The following SOS2 variants were observed in gnomAD, a reference collection of about 807,000 sequenced individuals.
SOS2 encodes son of sevenless homolog 2.
SOS2 carries 65 observed loss-of-function variants against 148.2 expected under a neutral mutation model. The ratio of observed to expected loss-of-function variants is 0.44; its 90% CI spans 0.36 to 0.54. The LOEUF (loss-of-function observed/expected upper bound fraction) is 0.54, where lower values mean the gene tolerates loss of function less well. Among genes scored for constraint, SOS2 ranks in the 20% least tolerant of loss-of-function variants. SOS2 has a pLI of 0.00. For missense variants in SOS2, 1,341 were observed against 1,590.2 expected (o/e 0.84, Z 2.67); for synonymous variants, 539 against 537.1 (o/e 1.00, Z -0.05).
chr14:50,198,863 C>A (rs1275874879), intron 4 of SOS2, among the ~76,000 whole-genome samples: 1 of 152,190 alleles, frequency 6.6e-6, no homozygotes, highest in East Asian at 1.9e-4. Flanking sequence ...CTATGTTATT[C>A]AGCGTTATAG....
intron 1 of SOS2, among the ~76,000 whole-genome samples, chr14:50,221,162 CTCACTAGCAA>C (rs1470748311): frequency 6.6e-6 from 1 of 152,222 alleles, no homozygotes; most frequent in Non-Finnish European, 1.5e-5. Flanking sequence ...TCTTTCACTA[CTCACTAGCAA>C]GTAAATTGCA....
At position 50,180,712 on chromosome 14, in the gene SOS2, G is replaced by A. The variant is rs1262785620; in HGVS notation, c.859-30C>T. ...TTTTTTAAAAAGAGAAAAAGCATTA[G>A]GTTTAAAAGAATATATTTTCTACCA... On this transcript the variant is annotated intron_variant, in intron 6 of 22. Transcript: ENST00000216373. 4 of 1,236,546 alleles carry A rather than the reference G, an allele frequency of 3.2e-6. No homozygotes were observed. The African/African-American group carries it at 6.1e-5, about 19-fold the overall frequency. The allele number at this position is 1,236,546 out of a possible 1,614,324, so 76.6% of individuals were successfully genotyped here.
At chr14:50,229,186 A>T (rs554712409) in intron 1 of SOS2, among the ~76,000 whole-genome samples, 7 of 152,316 alleles carry the variant, frequency 4.6e-5, no homozygotes, top group African/African-American at 1.7e-4. Context: ...AATGTCCTAA[A>T]TACCATAAAA....
intron 1 of SOS2, among the ~76,000 whole-genome samples, chr14:50,226,377 A>G (rs1887376854): frequency 6.6e-6 from 1 of 152,202 alleles, no homozygotes; most frequent in Admixed American, 6.5e-5. Flanking sequence ...ATCACCCTGT[A>G]CTTTTCTTGT....
chr14:50,220,900 T>C (rs574619972), intron 1 of SOS2, among the ~76,000 whole-genome samples: 1 of 152,332 alleles, frequency 6.6e-6, no homozygotes, highest in African/African-American at 2.4e-5. Context: ...CATTTGCTTG[T>C]AAACCCAAGA....
At chr14:50,126,243 A>G (rs1883676237) in intron 21 of SOS2, among the ~76,000 whole-genome samples, 1 of 152,218 alleles carries the variant, frequency 6.6e-6, no homozygotes, top group South Asian at 2.1e-4. Context: ...AAATACTGTA[A>G]TTATTCATCA....
chr14:50,144,202 A>G (rs1299956644), intron 16 of SOS2, among the ~76,000 whole-genome samples: 1 of 152,090 alleles, frequency 6.6e-6, no homozygotes, highest in Non-Finnish European at 1.5e-5. Context: ...TACTGTTGGA[A>G]TAAATTATGA....
intron 18 of SOS2, among the ~76,000 whole-genome samples, chr14:50,136,308 A>G (rs1884079087): frequency 6.6e-6 from 1 of 152,126 alleles, no homozygotes; most frequent in Non-Finnish European, 1.5e-5. Context: ...ATTTTGTTTG[A>G]CTCAATCATA....
chr14:50,183,285 C>T (rs1439816769), intron 5 of SOS2, among the ~76,000 whole-genome samples: 1 of 151,702 alleles, frequency 6.6e-6, no homozygotes, highest in African/African-American at 2.4e-5. Flanking sequence ...CAAACATGTA[C>T]ATCTTGATGT....
intron 16 of SOS2, among the ~76,000 whole-genome samples, chr14:50,142,273 G>C (rs368490083): frequency 6.6e-6 from 1 of 152,052 alleles, no homozygotes; most frequent in East Asian, 1.9e-4. Flanking sequence ...CTCCCAAAGT[G>C]TTGGGATTAC....
chr14:50,192,845 G>A (rs996614833), intron 4 of SOS2, among the ~76,000 whole-genome samples: 75 of 151,954 alleles, frequency 4.9e-4, no homozygotes, highest in African/African-American at 1.8e-3. Context: ...GCCTGGTTGA[G>A]AGAGTGAGAG....
At chr14:50,227,363 C>T (rs1887411973) in intron 1 of SOS2, among the ~76,000 whole-genome samples, 1 of 150,928 alleles carries the variant, frequency 6.6e-6, no homozygotes, top group Non-Finnish European at 1.5e-5. Context: ...TCTGCCTCAG[C>T]CTCCCGAGTA....
chr14:50,223,304 G>C (rs1436504145), intron 1 of SOS2, among the ~76,000 whole-genome samples: 2 of 152,162 alleles, frequency 1.3e-5, no homozygotes, highest in Non-Finnish European at 2.9e-5. Context: ...GGAGGCTGAG[G>C]CAGGAGGAAT....
chr14:50,159,998 C>T lies in SOS2; in HGVS notation c.1285G>A (p.Gly429Arg). The stretch of plus-strand genomic sequence containing the variant: ...TGTCCAATATCTTTGCCTTCCCATC[C>T]ATCGATATTTTTCTGAATTTCATTC... ...KMNEIQKNIDGWEGKDIGQCC... is the reference protein window; with the variant it reads ...KMNEIQKNIDRWEGKDIGQCC... The change falls in exon 10 of 23, where the codon GGA becomes AGA. Residue 429 changes from glycine (G) to arginine (R), a missense_variant. Transcript: ENST00000216373. 5.6e-6 allele frequency: 9 copies of T among 1,614,014 alleles called. No homozygotes were observed. Among genetic ancestry groups the T allele is most frequent in the Non-Finnish European group, 7.6e-6 (9 of 1,179,918 alleles).
At chr14:50,153,031 G>T (rs754644608) in intron 13 of SOS2, 39 bp downstream of exon 13, 4 of 936,616 alleles carry the variant, frequency 4.3e-6, no homozygotes, top group Non-Finnish European at 6.6e-6. Flanking sequence ...ATAAACTCAT[G>T]TTCAATATAA....
intron 4 of SOS2, among the ~76,000 whole-genome samples, chr14:50,194,642 G>C (rs1385720526): frequency 6.6e-6 from 1 of 150,580 alleles, no homozygotes; most frequent in Non-Finnish European, 1.5e-5. Context: ...GCCAGGCATG[G>C]TGGCAGGCAC....
rs934507006 is a variant in SOS2, at chr14:50,167,294, T to C, written c.1069-5685A>G. On this transcript the variant is annotated intron_variant, in intron 8 of 22. Transcript: ENST00000216373. ...TAGAGATTGCAAGCTCTTTATGTTA[T>C]GAATATACTCACACACACACAAAAA... is the stretch of plus-strand genomic sequence containing the variant. Among the ~76,000 whole-genome samples, 4 of 152,088 alleles carry C rather than the reference T, an allele frequency of 2.6e-5. No individual in the cohort carries two copies. The East Asian group carries it at 7.7e-4, about 29-fold the overall frequency.
rs1368050703 is a variant in SOS2, at chr14:50,178,690, A to G, written c.969+1882T>C. On this transcript the variant is annotated intron_variant, in intron 7 of 22. Coordinates refer to ENST00000216373, the MANE Select transcript of SOS2 (RefSeq NM_006939.4). ...TGTGTGCATATATATATATATATAT[A>G]TATATATATATATATATATATACAC... 9.1e-3 allele frequency among the ~76,000 whole-genome samples: 148 copies of G among 16,338 alleles called. 2 individuals are homozygous for G. The highest frequency in any genetic ancestry group is 0.024 in the African/African-American group (127 of 5,330). The allele number at this position is 16,338 out of a possible 152,430, so 10.7% of individuals were successfully genotyped here. A position where few individuals can be genotyped will look rare whatever the true frequency, so the allele number is the denominator to read the frequency against.
chr14:50,145,964 G>A (rs368184041), intron 14 of SOS2, among the ~76,000 whole-genome samples: 4 of 151,578 alleles, frequency 2.6e-5, no homozygotes, highest in East Asian at 3.9e-4. Flanking sequence ...GAAAAACCCC[G>A]TCTCTACTAA....
Sources: allele counts gnomAD v4.1 joint callset (sites outside exome capture counted in the v4.1 genomes callset), GRCh38; gene constraint gnomAD v4.1.1; transcripts MANE v1.5; gene names NCBI Gene and HGNC (gene_info 2026-07-23, HGNC 2026-07-21).